The following SVEP1 variants were observed in gnomAD, a reference collection of about 807,000 sequenced individuals.
SVEP1 encodes the protein sushi, von Willebrand factor type A, EGF and pentraxin domain-containing protein 1.
SVEP1 carries 164 observed loss-of-function variants against 367.3 expected under a neutral mutation model. The ratio of observed to expected loss-of-function variants is 0.45; its 90% CI spans 0.39 to 0.51. The LOEUF (loss-of-function observed/expected upper bound fraction) is 0.51. Ranked by LOEUF, SVEP1 falls within the 20% of genes least tolerant of loss-of-function variation. The pLI, the probability that SVEP1 is intolerant of heterozygous loss-of-function variation, is 0.00. For synonymous variants in SVEP1, 1,666 were observed against 1,611.6 expected, an observed-to-expected ratio of 1.03 and a Z score of -0.81; for missense variants, 4,117 against 4,425.3, an observed-to-expected ratio of 0.93 and a Z score of 1.98.
At chr9:110,392,815 T>G (rs1827685265) in intron 40 of SVEP1, among the ~76,000 whole-genome samples, 1 of 152,222 alleles carries the variant, frequency 6.6e-6, no homozygotes, top group African/African-American at 2.4e-5. Context: ...GTTATTACCC[T>G]TGTTAATGCT....
intron 42 of SVEP1, 57 bp downstream of exon 42, chr9:110,387,228 G>C: frequency 6.7e-7 from 1 of 1,491,766 alleles, no homozygotes; most frequent in Non-Finnish European, 8.9e-7. Flanking sequence ...TTGGATATGC[G>C]GGAAGCTAAT....
chr9:110,556,481 C>A (rs1588107424), intron 1 of SVEP1, among the ~76,000 whole-genome samples: 1 of 152,024 alleles, frequency 6.6e-6, no homozygotes, highest in African/African-American at 2.4e-5. Flanking sequence ...CTAATAAAGT[C>A]TTTTTTTGTT....
chr9:110,472,442 A>G (rs1208477059), intron 14 of SVEP1, 119 bp from the exon 15 acceptor site: 1 of 917,162 alleles, frequency 1.1e-6, no homozygotes, highest in Non-Finnish European at 1.6e-6. Context: ...TGCCCATAAC[A>G]TACTGCATAC....
At chr9:110,447,180 G>A (rs1002512668) in intron 24 of SVEP1, 123 bp from the exon 25 acceptor site, 2 of 887,516 alleles carry the variant, frequency 2.3e-6, no homozygotes, top group Non-Finnish European at 3.1e-6. Flanking sequence ...CACCAAAACA[G>A]TGCTTTAATT....
intron 28 of SVEP1, 116 bp downstream of exon 28, chr9:110,436,264 T>G: frequency 7.5e-7 from 1 of 1,341,848 alleles, no homozygotes. Flanking sequence ...ATACTGGTGA[T>G]AAATTCTGAT....
Position 110,489,714 on chromosome 9 carries a change from G to T in SVEP1, c.1866C>A (p.Ile622=), listed in dbSNP as rs779502981. 6.2e-6 allele frequency: 10 copies of T among 1,613,456 alleles called. No homozygotes were observed. Among genetic ancestry groups the T allele is most frequent in the Admixed American group, 5.0e-5 (3 of 59,950 alleles). Residue 622 remains isoleucine (I), a synonymous_variant, in exon 9 of 48, where the codon ATC becomes ATA. Transcript: ENST00000374469. ...PYLFPIGDVA[I]VYTATDLSGN... ...CGGATAGGTCAGTTGCCGTGTATAC[G>T]ATAGCAACATCTCCAATTGGGAAAA... is the stretch of plus-strand genomic sequence containing the variant.
intron 6 of SVEP1, among the ~76,000 whole-genome samples, chr9:110,501,456 T>C (rs927917654): frequency 6.6e-6 from 1 of 152,036 alleles, no homozygotes; most frequent in Non-Finnish European, 1.5e-5. Context: ...TTTGCTATTT[T>C]AATGACTTTA....
chr9:110,451,150 A>G, intron 23 of SVEP1, 139 bp downstream of exon 23: 2 of 665,784 alleles, frequency 3.0e-6, no homozygotes, highest in Non-Finnish European at 5.0e-6. Flanking sequence ...TTCCTCAGAA[A>G]ATGAGGACTT....
intron 1 of SVEP1, among the ~76,000 whole-genome samples, chr9:110,560,979 A>G (rs1041246654): frequency 7.9e-5 from 12 of 152,170 alleles, no homozygotes; most frequent in African/African-American, 2.6e-4. Context: ...TAAACTTCCA[A>G]TGTTTTCCCT....
At chr9:110,442,744 T>C (rs892712093) in intron 27 of SVEP1, 1 of 152,172 alleles carries the variant, frequency 6.6e-6, no homozygotes, top group African/African-American at 2.4e-5. Flanking sequence ...ATTACAGGCG[T>C]GAGCCACCGT....
At chr9:110,488,104 A>T (rs920537317) in intron 9 of SVEP1, among the ~76,000 whole-genome samples, 1 of 152,224 alleles carries the variant, frequency 6.6e-6, no homozygotes, top group Admixed American at 6.5e-5. Flanking sequence ...GGTGAAACCA[A>T]CAGCACCTGA....
chr9:110,368,908 ATTGC>A (rs1228913811), intron 47 of SVEP1, among the ~76,000 whole-genome samples: 2 of 152,174 alleles, frequency 1.3e-5, no homozygotes, highest in African/African-American at 4.8e-5. Context: ...TTTTACTTTA[ATTGC>A]TTTTTTATAT....
intron 40 of SVEP1, among the ~76,000 whole-genome samples, chr9:110,390,065 GTATA>G (rs1410718985): frequency 3.9e-5 from 4 of 103,872 alleles, no homozygotes; most frequent in African/African-American, 7.2e-5. Flanking sequence ...ATATATATAA[GTATA>G]TATATATACG....
rs751918891 is a variant in SVEP1, at chr9:110,407,681, A to T, written c.7919T>A (p.Met2640Lys). 1.2e-6 allele frequency: 2 copies of T among 1,613,904 alleles called. No individual in the cohort carries two copies. Among genetic ancestry groups the T allele is most frequent in the African/African-American group, 2.7e-5 (2 of 74,936 alleles). Residue 2640 changes from methionine to lysine, a missense_variant, in exon 38 of 48, where the codon ATG becomes AAG. This residue lies in a region of SVEP1 where 1,765 missense variants were observed against 1,781.1 expected (regional missense o/e 0.99). Transcript: ENST00000374469. The stretch of plus-strand genomic sequence containing the variant: ...AGGAGTCACATATGGAACTTCCATC[A>T]TGTCGTCTTCTTGCTCAAAATATCC... ...DQGYFEQEDD[M>K]MEVPYVTPHP...
At chr9:110,526,144 C>T (rs530023674) in intron 3 of SVEP1, among the ~76,000 whole-genome samples, 2 of 152,148 alleles carry the variant, frequency 1.3e-5, no homozygotes, top group African/African-American at 2.4e-5. Context: ...TTAGACTTGA[C>T]ACCAAAAGCA....
rs1384069868 is a variant in SVEP1, at chr9:110,579,569, C to T, written c.-26G>A. 6.5e-6 allele frequency: 10 copies of T among 1,544,256 alleles called. No individual in the cohort carries two copies. The highest frequency in any genetic ancestry group is 3.8e-4 in the Middle Eastern group (2 of 5,228). On this transcript the variant is annotated 5_prime_UTR_variant, in exon 1 of 48. Transcript: ENST00000374469. This position sits in a 1 kb window ranked among gnomAD's most constrained non-coding sequence, Gnocchi z 5.3. The stretch of plus-strand genomic sequence containing the variant: ...CGCGCTGGAGACAGAGCGGCTGCCC[C>T]GGAGCGCAGGCGGCGGCTCGGGCGG...
chr9:110,532,173 TG>T (rs1469403313), intron 3 of SVEP1, among the ~76,000 whole-genome samples: 1 of 152,174 alleles, frequency 6.6e-6, no homozygotes, highest in African/African-American at 2.4e-5. Flanking sequence ...CAAGTCCATA[TG>T]TTTTTTAGGA....
At chr9:110,528,156 G>GTGTGTACATATATATATATA in intron 3 of SVEP1, among the ~76,000 whole-genome samples, 1 of 33,940 alleles carries the variant, frequency 2.9e-5, no homozygotes, top group Non-Finnish European at 5.7e-5. Context: ...GTGTGTGTGT[G>GTGTGTACATATATATATATA]TATATATATA....
At chr9:110,552,837 T>G (rs1830307889) in intron 1 of SVEP1, among the ~76,000 whole-genome samples, 1 of 151,750 alleles carries the variant, frequency 6.6e-6, no homozygotes, top group African/African-American at 2.4e-5. Context: ...CTCCATTGGG[T>G]GGTAAAGGAG....
Sources: allele counts gnomAD v4.1 joint callset (sites outside exome capture counted in the v4.1 genomes callset), GRCh38; gene constraint gnomAD v4.1.1; regional missense constraint gnomAD v4.1.1; non-coding constraint Gnocchi (gnomAD v3.1); transcripts MANE v1.5; gene names NCBI Gene and HGNC (gene_info 2026-07-23, HGNC 2026-07-21).